ZNF407: variants seen among roughly 807,000 people sequenced by gnomAD.
ZNF407 encodes zinc finger protein 407.
Under a neutral mutation model 131.2 loss-of-function variants are expected in ZNF407, and 17 were observed. The ratio of observed to expected loss-of-function variants is 0.13; its 90% CI spans 0.09 to 0.19. The LOEUF is 0.19. Among genes scored for constraint, ZNF407 ranks in the 10% least tolerant of loss-of-function variants. The pLI, the probability that ZNF407 is intolerant of heterozygous loss-of-function variation, is 1.00. For missense variants in ZNF407, 2,681 were observed against 2,830.6 expected (o/e 0.95, Z 1.20); for synonymous variants, 1,156 against 1,062.0 (o/e 1.09, Z -1.72).
intron 3 of ZNF407, among the ~76,000 whole-genome samples, chr18:74,688,397 A>G (rs1967145407): frequency 6.6e-6 from 1 of 152,222 alleles, no homozygotes; most frequent in African/African-American, 2.4e-5. Context: ...GGAACATCTC[A>G]GCTCTGAGGT....
At chr18:74,814,643 T>A (rs1970243090) in intron 4 of ZNF407, among the ~76,000 whole-genome samples, 1 of 152,186 alleles carries the variant, frequency 6.6e-6, no homozygotes, top group African/African-American at 2.4e-5. Context: ...CAGAAGAAGA[T>A]AAACATATTT....
At chr18:75,032,762 T>C (rs1473260217) in intron 8 of ZNF407, among the ~76,000 whole-genome samples, 1 of 117,310 alleles carries the variant, frequency 8.5e-6, no homozygotes, top group Admixed American at 1.0e-4. Context: ...TAACTAAGAG[T>C]GCTCAGAATA....
At chr18:75,062,930 C>A in intron 8 of ZNF407, 1 of 458,560 alleles carries the variant, frequency 2.2e-6, no homozygotes, top group Non-Finnish European at 3.8e-6. Flanking sequence ...AATGCACACC[C>A]AGTATTAACT....
chr18:74,904,740 A>C (rs989891681), intron 7 of ZNF407, among the ~76,000 whole-genome samples: 6 of 152,228 alleles, frequency 3.9e-5, no homozygotes, highest in East Asian at 3.8e-4. Context: ...TGTGGGAAAC[A>C]TGAAAGGTGA....
chr18:74,745,791 C>T (rs745348818), intron 3 of ZNF407, among the ~76,000 whole-genome samples: 3 of 152,112 alleles, frequency 2.0e-5, no homozygotes, highest in Non-Finnish European at 4.4e-5. Context: ...GGTTATTCAT[C>T]AGTCTGGATG....
intron 3 of ZNF407, among the ~76,000 whole-genome samples, chr18:74,676,593 T>G (rs531786785): frequency 6.9e-6 from 1 of 145,258 alleles, no homozygotes; most frequent in Non-Finnish European, 1.5e-5. Context: ...CCCACCACCG[T>G]GCCCGGGTAA....
intron 4 of ZNF407, among the ~76,000 whole-genome samples, chr18:74,844,769 C>G (rs1189808321): frequency 6.6e-6 from 1 of 152,054 alleles, no homozygotes; most frequent in Non-Finnish European, 1.5e-5. Context: ...TTTTAAGGTC[C>G]TGTCCTAGGG....
chr18:74,925,977 C>T (rs1183269039), intron 8 of ZNF407, among the ~76,000 whole-genome samples: 1 of 152,124 alleles, frequency 6.6e-6, no homozygotes, highest in East Asian at 1.9e-4. Flanking sequence ...GACTAGATTC[C>T]TTGTTTTCCA....
intron 4 of ZNF407, among the ~76,000 whole-genome samples, chr18:74,813,545 A>G (rs575550497): frequency 7.3e-5 from 11 of 151,626 alleles, no homozygotes; most frequent in South Asian, 2.1e-4. Flanking sequence ...TCCAGTTTCT[A>G]CTCTGTCCCA....
Position 75,024,367 on chromosome 18 carries a change from C to T in ZNF407, c.5429-38783C>T, listed in dbSNP as rs543094326. 3.3e-5 allele frequency among the ~76,000 whole-genome samples: 5 copies of T among 152,216 alleles called. No homozygotes were observed. The East Asian group carries it at 9.6e-4, about 29-fold the overall frequency. Reference sequence around the variant, plus strand: ...AATCCTATCCTTTAATCACACCACACAGAAAATTTACCTAAAGAATACAGG... The same window carrying T: ...AATCCTATCCTTTAATCACACCACATAGAAAATTTACCTAAAGAATACAGG... On this transcript the variant is annotated intron_variant, in intron 8 of 8. Coordinates refer to ENST00000299687, the MANE Select transcript of ZNF407 (RefSeq NM_017757.3).
chr18:74,933,232 C>T (rs1296086608), intron 8 of ZNF407, among the ~76,000 whole-genome samples: 1 of 152,182 alleles, frequency 6.6e-6, no homozygotes, highest in Non-Finnish European at 1.5e-5. Flanking sequence ...GAAAATCTGG[C>T]ACATGCTATT....
chr18:74,693,713 C>T (rs143643496), intron 3 of ZNF407, among the ~76,000 whole-genome samples: 64 of 152,194 alleles, frequency 4.2e-4, no homozygotes, highest in African/African-American at 1.2e-3. Flanking sequence ...CTTCTGTGTT[C>T]ATCGTGCTTG....
chr18:74,839,601 A>T (rs934606206), intron 4 of ZNF407, among the ~76,000 whole-genome samples: 1 of 152,160 alleles, frequency 6.6e-6, no homozygotes, highest in Non-Finnish European at 1.5e-5. Context: ...AAACACCTGG[A>T]TTTGTGTTTG....
chr18:74,842,802 C>T (rs1030322085), intron 4 of ZNF407, among the ~76,000 whole-genome samples: 2 of 152,126 alleles, frequency 1.3e-5, no homozygotes, highest in African/African-American at 2.4e-5. Flanking sequence ...CGGCTCATTG[C>T]AACTTCTGCC....
At chr18:74,841,091 C>T (rs866629312) in intron 4 of ZNF407, among the ~76,000 whole-genome samples, 38 of 152,322 alleles carry the variant, frequency 2.5e-4, no homozygotes, top group African/African-American at 8.7e-4. Flanking sequence ...CTGGGCTCTT[C>T]GCAAGGCGTG....
intron 3 of ZNF407, among the ~76,000 whole-genome samples, chr18:74,776,822 A>G (rs1969482779): frequency 6.6e-6 from 1 of 152,276 alleles, no homozygotes; most frequent in Non-Finnish European, 1.5e-5. Context: ...TATTCTTACA[A>G]TAAAATAAGT....
chr18:74,968,206 C>T (rs1329512947), intron 8 of ZNF407, among the ~76,000 whole-genome samples: 6 of 152,134 alleles, frequency 3.9e-5, no homozygotes, highest in East Asian at 1.9e-4. Context: ...CATATACATG[C>T]GTGACCTATC....
In ZNF407 at chr18:75,063,838, G is replaced by A; in HGVS notation, c.6117G>A (p.Glu2039=). The A allele has an allele frequency of 6.2e-7, 1 of 1,608,736 alleles. No homozygotes were observed. Among genetic ancestry groups the A allele is most frequent in the Non-Finnish European group, 8.5e-7 (1 of 1,178,974 alleles). ...SHVAADPEAP[E]IQMFPQAQES... ...TGGCTGCCGACCCCGAGGCCCCCGA[G>A]ATCCAGATGTTCCCACAGGCCCAGG... is the stretch of plus-strand genomic sequence containing the variant. The change falls in exon 9 of 9, where the codon GAG becomes GAA. Residue 2039 remains glutamate (E), a synonymous_variant. Transcript: ENST00000299687. This position sits in a 1 kb window ranked among gnomAD's most constrained non-coding sequence, Gnocchi z 6.6.
chr18:75,039,633 TG>T (rs1973349261), intron 8 of ZNF407, among the ~76,000 whole-genome samples: 1 of 152,160 alleles, frequency 6.6e-6, no homozygotes, highest in African/African-American at 2.4e-5. Context: ...TTGTTTTAAA[TG>T]TTTTTTTAAA....
Sources: allele counts gnomAD v4.1 joint callset (sites outside exome capture counted in the v4.1 genomes callset), GRCh38; gene constraint gnomAD v4.1.1; non-coding constraint Gnocchi (gnomAD v3.1); transcripts MANE v1.5; gene names NCBI Gene and HGNC (gene_info 2026-07-23, HGNC 2026-07-21).